Variants in MYO9A observed in about 807,000 individuals in gnomAD.
MYO9A encodes myosin IXA, also known as unconventional myosin-IXa.
MYO9A carries 103 observed loss-of-function variants against 293.3 expected under a neutral mutation model. The observed-to-expected ratio is 0.35, with a 90% confidence interval of 0.30 to 0.41. The LOEUF (loss-of-function observed/expected upper bound fraction) is 0.41. Among genes scored for constraint, MYO9A ranks in the 10% least tolerant of loss-of-function variants. The probability of loss-of-function intolerance (pLI) is 1.00; values close to 1 mark genes in which losing one functional copy is unlikely to be tolerated. For missense variants in MYO9A, 2,685 were observed against 3,033.0 expected (o/e 0.89, Z 2.69); for synonymous variants, 1,001 against 1,035.7 (o/e 0.97, Z 0.64).
At position 72,079,467 on chromosome 15, in the gene MYO9A, C is replaced by A. The variant is rs549106440; in HGVS notation, c.-71-32833G>T. 1.1e-4 allele frequency among the ~76,000 whole-genome samples: 16 copies of A among 152,116 alleles called. No individual in the cohort carries two copies. The South Asian group carries it at 3.3e-3, about 32-fold the overall frequency. On this transcript the variant is annotated intron_variant, in intron 1 of 41. Transcript: ENST00000356056. ...CTCAACAGTCTCTTAGGCCTTCTATCTGAAGATGAATATCGAAAAAAGGAT... is the reference window on the plus strand; with the variant it reads ...CTCAACAGTCTCTTAGGCCTTCTATATGAAGATGAATATCGAAAAAAGGAT...
At chr15:71,851,787 T>C (rs1596028447) in intron 36 of MYO9A, among the ~76,000 whole-genome samples, 1 of 152,312 alleles carries the variant, frequency 6.6e-6, no homozygotes, top group East Asian at 1.9e-4. Context: ...GCTTTACACA[T>C]AGTTCTTGCC....
chr15:71,943,865 C>G (rs186608495), intron 15 of MYO9A, among the ~76,000 whole-genome samples: 5 of 152,182 alleles, frequency 3.3e-5, no homozygotes, highest in African/African-American at 4.8e-5. Context: ...TATATACTTT[C>G]ATTTCTTAGG....
chr15:71,865,752 T>C (rs28497050), intron 32 of MYO9A, among the ~76,000 whole-genome samples: 3,701 of 152,260 alleles, frequency 0.024, 148 homozygotes, highest in African/African-American at 0.084. Context: ...ATAGTGAATA[T>C]ACTAAAACCC....
At chr15:71,849,982 C>T (rs2055564673) in intron 38 of MYO9A, 54 bp downstream of exon 38, 1 of 1,329,622 alleles carries the variant, frequency 7.5e-7, no homozygotes, top group Admixed American at 1.9e-5. Flanking sequence ...GATACAGTGA[C>T]TACATAGTCA....
At chr15:71,978,107 T>G in intron 12 of MYO9A, 64 bp downstream of exon 12, 1 of 1,563,890 alleles carries the variant, frequency 6.4e-7, no homozygotes, top group Non-Finnish European at 8.6e-7. Context: ...GAAAAAAGTT[T>G]AAACTTAAAA....
At chr15:72,049,988 T>G (rs2078506211) in intron 1 of MYO9A, among the ~76,000 whole-genome samples, 1 of 152,214 alleles carries the variant, frequency 6.6e-6, no homozygotes, top group Non-Finnish European at 1.5e-5. Context: ...GGACCACTGT[T>G]TCCAACAATA....
intron 18 of MYO9A, among the ~76,000 whole-genome samples, chr15:71,926,693 T>C (rs1037832458): frequency 1.3e-5 from 2 of 152,124 alleles, no homozygotes; most frequent in East Asian, 1.9e-4. Context: ...GGTGACAGTG[T>C]GGCTGTGGGG....
At chr15:71,998,567 T>C (rs551071516) in intron 9 of MYO9A, among the ~76,000 whole-genome samples, 1 of 150,246 alleles carries the variant, frequency 6.7e-6, no homozygotes, top group Admixed American at 6.6e-5. Flanking sequence ...TTTTTTGTCT[T>C]TTTTTTTCTT....
At chr15:72,007,556 C>T (rs1181680222) in intron 8 of MYO9A, among the ~76,000 whole-genome samples, 2 of 152,120 alleles carry the variant, frequency 1.3e-5, no homozygotes, top group Non-Finnish European at 2.9e-5. Flanking sequence ...AATATTCATC[C>T]TATCCAGCAA....
chr15:72,016,571 T>G (rs908551311), intron 6 of MYO9A, among the ~76,000 whole-genome samples: 2 of 152,212 alleles, frequency 1.3e-5, no homozygotes, highest in Non-Finnish European at 2.9e-5. Context: ...GTCACATAAG[T>G]TCTAATAACT....
chr15:71,857,504 C>T (rs137924183), intron 34 of MYO9A, among the ~76,000 whole-genome samples: 210 of 152,196 alleles, frequency 1.4e-3, no homozygotes, highest in African/African-American at 4.6e-3. Context: ...TGCCCTTTAC[C>T]CTTCACAAAT....
chr15:71,847,525 C>T (rs2055440228), intron 39 of MYO9A: 1 of 422,444 alleles, frequency 2.4e-6, no homozygotes, highest in Admixed American at 2.4e-5. Flanking sequence ...CATGTCATTG[C>T]CTCATTAAAA....
chr15:71,830,905 G>C (rs547510048), intron 39 of MYO9A, among the ~76,000 whole-genome samples: 1 of 149,834 alleles, frequency 6.7e-6, no homozygotes, highest in Non-Finnish European at 1.5e-5. Flanking sequence ...GGGTGCTAGT[G>C]AGATATATTT....
rs184734581 is a variant in MYO9A, at chr15:71,894,922, C to T, written c.5043-1144G>A. Among the ~76,000 whole-genome samples the T allele has an allele frequency of 3.1e-3, 474 of 152,228 alleles. 2 individuals are homozygous for T. Among genetic ancestry groups the T allele is most frequent in the Middle Eastern group, 0.014 (4 of 294 alleles). On this transcript the variant is annotated intron_variant, in intron 25 of 41. Transcript: ENST00000356056. ...CTCCTTGAGAATCATATCTTACTTC[C>T]AAGGATAGTGCTAGCTAAAATTAGA...
At chr15:72,113,392 C>G (rs563607713) in intron 1 of MYO9A, among the ~76,000 whole-genome samples, 3 of 151,970 alleles carry the variant, frequency 2.0e-5, no homozygotes, top group African/African-American at 4.8e-5. Context: ...ATGTAAAAGA[C>G]GAGAGAGAAA....
Position 71,848,891 on chromosome 15 carries a change from G to C in MYO9A, c.6791C>G (p.Ala2264Gly). The change falls in exon 39 of 42, where the codon GCT (alanine) becomes GGT (glycine). Residue 2264 changes from alanine (A) to glycine (G), a missense_variant. Physicochemically the swap from Ala to Gly is moderately conservative, Grantham distance 60. Coordinates refer to ENST00000356056, the MANE Select transcript of MYO9A (RefSeq NM_006901.4). ...RLKDISSLEFAENKAKTRLSL... is the reference protein window; with the variant it reads ...RLKDISSLEFGENKAKTRLSL... ...CAACCTGGTCTTTGCCTTATTCTCA[G>C]CAAATTCCAAGCTACTGATATCTTT... The C allele has an allele frequency of 6.2e-7, 1 of 1,612,856 alleles. No homozygotes were observed. Among genetic ancestry groups the C allele is most frequent in the East Asian group, 2.2e-5 (1 of 44,842 alleles).
At chr15:71,886,214 AG>A (rs373027901) in intron 27 of MYO9A, among the ~76,000 whole-genome samples, 37 of 135,336 alleles carry the variant, frequency 2.7e-4, no homozygotes, top group Non-Finnish European at 5.1e-4. Flanking sequence ...AAAAAAAAAA[AG>A]AAAGAGGCTG....
Position 71,822,809 on chromosome 15 carries a change from T to A in MYO9A, c.*3771A>T, listed in dbSNP as rs534913594. On this transcript the variant is annotated 3_prime_UTR_variant, in exon 42 of 42. Coordinates refer to ENST00000356056, the MANE Select transcript of MYO9A (RefSeq NM_006901.4). ...ATTGTTGGGGCTTTTTTGAAAATAG[T>A]TTCAACCAGGGGACCAACATGAGAC... The A allele has an allele frequency of 6.6e-6, 1 of 151,982 alleles. No homozygotes were observed. The highest frequency in any genetic ancestry group is 2.1e-4 in the South Asian group (1 of 4,802). 9.4% of individuals were successfully genotyped at this position (151,982 alleles called of 1,614,324 possible).
At chr15:72,028,800 T>C (rs2077768128) in intron 3 of MYO9A, among the ~76,000 whole-genome samples, 1 of 152,238 alleles carries the variant, frequency 6.6e-6, no homozygotes, top group African/African-American at 2.4e-5. Context: ...TTTCTTTTTA[T>C]ATATTTACGC....
Sources: gnomAD v4.1 joint callset for allele counts (sites outside exome capture counted in the v4.1 genomes callset) on GRCh38, gnomAD v4.1.1 for gene constraint, MANE v1.5 for transcripts, NCBI Gene and HGNC (gene_info 2026-07-23, HGNC 2026-07-21) for gene names.